The following MPP7 variants were observed in gnomAD, a reference collection of about 807,000 sequenced individuals.
MPP7 encodes the protein MAGUK p55 scaffold protein 7, also known as MAGUK p55 subfamily member 7.
Under a neutral mutation model 76.5 loss-of-function variants are expected in MPP7, and 60 were observed. The ratio of observed to expected loss-of-function variants is 0.78; its 90% confidence interval spans 0.64 to 0.97. The LOEUF is 0.97. MPP7 is among the 50% of genes least tolerant of loss of function. The pLI is 0.00. For missense variants in MPP7, 641 were observed against 694.0 expected (o/e 0.92, Z 0.86); for synonymous variants, 237 against 244.5 (o/e 0.97, Z 0.29).
intron 5 of MPP7, 81 bp from the exon 6 acceptor site, chr10:28,131,772 C>T: frequency 1.4e-6 from 1 of 706,294 alleles, no homozygotes; most frequent in Non-Finnish European, 1.8e-6. Context: ...ATTTCAAACA[C>T]ATCAAACTAT....
At chr10:28,303,516 A>C (rs1284663103), upstream of MPP7, 1 of 152,228 alleles carries the variant, frequency 6.6e-6, no homozygotes, top group Non-Finnish European at 1.5e-5. Flanking sequence ...CAAGTCTCCT[A>C]GGTTTAAAAA....
intron 2 of MPP7, among the ~76,000 whole-genome samples, chr10:28,216,459 A>G (rs1838313931): frequency 6.6e-6 from 1 of 152,240 alleles, no homozygotes; most frequent in African/African-American, 2.4e-5. Context: ...ACTGTACACC[A>G]GTGCACATTC....
At chr10:28,317,001 A>G (rs1298270379) in intron 2 of MPP7, among the ~76,000 whole-genome samples, 1 of 152,110 alleles carries the variant, frequency 6.6e-6, no homozygotes, top group East Asian at 1.9e-4. Flanking sequence ...GCATGTATGT[A>G]AGTGATCATT....
At chr10:28,124,229 T>G in intron 7 of MPP7, 113 bp from the exon 8 acceptor site, 1 of 726,314 alleles carries the variant, frequency 1.4e-6, no homozygotes, top group Non-Finnish European at 2.4e-6. Flanking sequence ...ACTTAACGAA[T>G]GGAAAGGAGA....
chr10:28,191,926 C>A lies in MPP7; in HGVS notation c.156+10227G>T, dbSNP rs188568037. ...ATCACTTGAGATCAGGAGTTCAAGA[C>A]CAGCCTGACCAACATGATGAAACCT... On this transcript the variant is annotated intron_variant, in intron 3 of 16. Coordinates refer to ENST00000683449, the MANE Select transcript of MPP7 (RefSeq NM_001318170.2). 5.9e-5 allele frequency among the ~76,000 whole-genome samples: 9 copies of A among 152,198 alleles called. No individual in the cohort carries two copies. In the East Asian group the frequency reaches 1.5e-3, roughly 26 times the overall value.
intron 2 of MPP7, among the ~76,000 whole-genome samples, chr10:28,229,015 T>C (rs1001961767): frequency 1.1e-4 from 16 of 152,122 alleles, no homozygotes; most frequent in Admixed American, 2.6e-4. Flanking sequence ...CATATTTAAC[T>C]GGAACACTAG....
rs1339790097 is a variant in MPP7 at position 28,183,531 on chromosome 10, G to A, written c.156+18622C>T. On this transcript the variant is annotated intron_variant, in intron 3 of 16. Transcript: ENST00000683449. ...AGGCCAGGTGTGGTGGCTCATGGCT[G>A]TAATCCCAACACTTTGGGAAGCTGA... Among the ~76,000 whole-genome samples, 3 of 152,212 alleles carry A rather than the reference G, an allele frequency of 2.0e-5. No individual in the cohort carries two copies. The East Asian group carries it at 5.8e-4, about 29-fold the overall frequency.
rs1346473077 is a variant in MPP7, at chr10:28,216,950, T to C, written c.38-14679A>G. ...CAAAAAGAGTCAGCAATATAATTCA[T>C]CTAGAAGTATTTTTAATACTCAAAG... On this transcript the variant is annotated intron_variant, in intron 2 of 16. Coordinates refer to ENST00000683449, the MANE Select transcript of MPP7 (RefSeq NM_001318170.2). 2.0e-5 allele frequency among the ~76,000 whole-genome samples: 3 copies of C among 152,082 alleles called. No individual in the cohort carries two copies. The East Asian group carries it at 5.8e-4, about 29-fold the overall frequency.
chr10:28,160,217 C>T (rs1191648953), intron 3 of MPP7, among the ~76,000 whole-genome samples: 2 of 152,174 alleles, frequency 1.3e-5, no homozygotes, highest in South Asian at 2.1e-4. Context: ...ATCTCACAAT[C>T]CTACAGCTAC....
At chr10:28,132,723 C>T (rs1039330124) in intron 5 of MPP7, among the ~76,000 whole-genome samples, 17 of 152,196 alleles carry the variant, frequency 1.1e-4, no homozygotes, top group Non-Finnish European at 2.4e-4. Context: ...CTCAGCCTCC[C>T]AAGTAGCTGG....
intron 2 of MPP7, among the ~76,000 whole-genome samples, chr10:28,325,653 C>T (rs961977287): frequency 6.6e-6 from 1 of 151,846 alleles, no homozygotes; most frequent in Non-Finnish European, 1.5e-5. Context: ...ACCACCATAC[C>T]CGGCTAATTT....
chr10:28,099,817 A>G (rs560813909), intron 11 of MPP7, among the ~76,000 whole-genome samples: 1 of 152,116 alleles, frequency 6.6e-6, no homozygotes, highest in African/African-American at 2.4e-5. Context: ...CCCAAAAAAA[A>G]AAATAAATAA....
chr10:28,317,621 C>T, intron 2 of MPP7, among the ~76,000 whole-genome samples: 1 of 152,144 alleles, frequency 6.6e-6, no homozygotes, highest in South Asian at 2.1e-4. Flanking sequence ...ACCACAATTG[C>T]TTTTATTTTT....
chr10:28,193,276 G>C (rs1401651762), intron 3 of MPP7, among the ~76,000 whole-genome samples: 1 of 149,642 alleles, frequency 6.7e-6, no homozygotes, highest in East Asian at 2.0e-4. Context: ...GCAGTGGCAC[G>C]ATCCCAGCTC....
intron 15 of MPP7, chr10:28,057,810 C>T: frequency 7.8e-7 from 1 of 1,284,704 alleles, no homozygotes; most frequent in Non-Finnish European, 1.0e-6. Flanking sequence ...GGTTTTGCAC[C>T]CCAGGGTACA....
chr10:28,202,316 T>C, intron 2 of MPP7, 45 bp from the exon 3 acceptor site: 2 of 1,390,156 alleles, frequency 1.4e-6, no homozygotes, highest in Non-Finnish European at 2.0e-6. Context: ...TAGAGTGATC[T>C]CATTAATTTC....
At chr10:28,185,610 T>C (rs1488648878) in intron 3 of MPP7, among the ~76,000 whole-genome samples, 1 of 152,198 alleles carries the variant, frequency 6.6e-6, no homozygotes, top group Non-Finnish European at 1.5e-5. Flanking sequence ...CCATACATTA[T>C]TACACTCACA....
At chr10:28,178,867 T>G (rs1368486254) in intron 3 of MPP7, among the ~76,000 whole-genome samples, 2 of 152,126 alleles carry the variant, frequency 1.3e-5, no homozygotes, top group African/African-American at 4.8e-5. Context: ...TCTTCTCAAA[T>G]GTACTGGAAT....
At position 28,164,908 on chromosome 10, in the gene MPP7, T is replaced by C. The variant is rs184904821; in HGVS notation, c.157-14849A>G. Among the ~76,000 whole-genome samples the C allele has an allele frequency of 2.3e-4, 35 of 152,328 alleles. 1 individual carries two copies. The highest frequency in any genetic ancestry group is 4.0e-4 in the Non-Finnish European group (27 of 68,026). ...ACACTAAAAGCCCAGACTTCACCAC[T>C]ATACATATATCCATGTAATAAAACT... On this transcript the variant is annotated intron_variant, in intron 3 of 16. Transcript: ENST00000683449.
Sources: allele counts gnomAD v4.1 joint callset (sites outside exome capture counted in the v4.1 genomes callset), GRCh38; gene constraint gnomAD v4.1.1; transcripts MANE v1.5; gene names NCBI Gene and HGNC (gene_info 2026-07-23, HGNC 2026-07-21).